KIAA1328: variants seen among roughly 807,000 people sequenced by gnomAD.
KIAA1328 encodes KIAA1328.
Under a neutral mutation model 68.1 loss-of-function variants are expected in KIAA1328, and 52 were observed. That is an observed-to-expected ratio of 0.76 (90% CI 0.61 to 0.96). KIAA1328 has a LOEUF of 0.96. Among genes scored for constraint, KIAA1328 ranks in the 40% least tolerant of loss-of-function variants. The probability of loss-of-function intolerance (pLI) is 0.00; values close to 1 mark genes in which losing one functional copy is unlikely to be tolerated. For missense variants in KIAA1328, 641 were observed against 677.6 expected, an observed-to-expected ratio of 0.95 and a Z score of 0.60; for synonymous variants, 232 against 239.4, an observed-to-expected ratio of 0.97 and a Z score of 0.28.
chr18:37,203,395 G>A (rs1599585529), intron 9 of KIAA1328, among the ~76,000 whole-genome samples: 1 of 151,540 alleles, frequency 6.6e-6, no homozygotes, highest in Non-Finnish European at 1.5e-5. Flanking sequence ...TCAACTTAAA[G>A]TAACCTTTAA....
Position 37,173,084 on chromosome 18 carries a change from A to G in KIAA1328, c.1523+3A>G, listed in dbSNP as rs1353268688. On this transcript the variant is annotated splice_donor_region_variant and intron_variant, in intron 9 of 9. Coordinates refer to ENST00000280020, the MANE Select transcript of KIAA1328 (RefSeq NM_020776.3). ...TCATTACAGCACACCACCTCCCGGT[A>G]AGCTTCAGAGATTCTTTAGTTTTTA... 1 of 1,601,366 alleles carries G rather than the reference A, an allele frequency of 6.2e-7. No homozygotes were observed. The highest frequency in any genetic ancestry group is 8.5e-7 in the Non-Finnish European group (1 of 1,170,508).
intron 4 of KIAA1328, among the ~76,000 whole-genome samples, chr18:36,850,368 T>TA (rs1175329680): frequency 6.6e-6 from 1 of 152,142 alleles, no homozygotes; most frequent in Non-Finnish European, 1.5e-5. Flanking sequence ...TAATAAGCTG[T>TA]AATAGTTTTA....
intron 7 of KIAA1328, among the ~76,000 whole-genome samples, chr18:37,155,739 G>A (rs1019346999): frequency 4.6e-5 from 7 of 152,074 alleles, no homozygotes; most frequent in Non-Finnish European, 7.4e-5. Flanking sequence ...CATGGAAAAC[G>A]CAACCTTTCA....
chr18:37,119,126 G>A (rs991445759), intron 7 of KIAA1328, among the ~76,000 whole-genome samples: 7 of 152,176 alleles, frequency 4.6e-5, no homozygotes, highest in Non-Finnish European at 1.0e-4. Context: ...AAAACACTCT[G>A]TAAGTCCATG....
intron 6 of KIAA1328, among the ~76,000 whole-genome samples, chr18:37,058,820 G>A (rs1258434855): frequency 1.3e-5 from 2 of 152,112 alleles, no homozygotes; most frequent in Middle Eastern, 3.2e-3. Context: ...CTCCCCTAAA[G>A]GTCAGAATAG....
At chr18:37,152,744 A>G (rs1244839878) in intron 7 of KIAA1328, among the ~76,000 whole-genome samples, 1 of 152,202 alleles carries the variant, frequency 6.6e-6, no homozygotes, top group Non-Finnish European at 1.5e-5. Flanking sequence ...TAATTATGGT[A>G]CAGGGCTAAA....
At chr18:37,004,426 C>G (rs1598947204) in intron 6 of KIAA1328, among the ~76,000 whole-genome samples, 1 of 151,962 alleles carries the variant, frequency 6.6e-6, no homozygotes, top group African/African-American at 2.4e-5. Context: ...TATAAACAAT[C>G]TCATCATAAA....
At chr18:36,964,753 A>G (rs2051844196) in intron 6 of KIAA1328, among the ~76,000 whole-genome samples, 1 of 152,136 alleles carries the variant, frequency 6.6e-6, no homozygotes, top group Non-Finnish European at 1.5e-5. Context: ...ATGTGTGTAT[A>G]TTACCCCATT....
At chr18:37,179,637 G>A (rs781151926) in intron 9 of KIAA1328, among the ~76,000 whole-genome samples, 13 of 152,130 alleles carry the variant, frequency 8.5e-5, no homozygotes, top group African/African-American at 1.2e-4. Flanking sequence ...AGGCTCAGAA[G>A]TATCTGAAAC....
At chr18:37,035,158 A>G (rs2054977322) in intron 6 of KIAA1328, among the ~76,000 whole-genome samples, 1 of 152,246 alleles carries the variant, frequency 6.6e-6, no homozygotes, top group South Asian at 2.1e-4. Context: ...ACCTCATTGT[A>G]TCAGGTGAGG....
intron 7 of KIAA1328, among the ~76,000 whole-genome samples, chr18:37,070,848 G>C (rs1040484602): frequency 6.6e-6 from 1 of 151,850 alleles, no homozygotes; most frequent in Admixed American, 6.6e-5. Context: ...TTTATCTAAA[G>C]TCTCCTTTAC....
chr18:36,892,462 A>T (rs1279935315), intron 5 of KIAA1328, among the ~76,000 whole-genome samples: 2 of 152,074 alleles, frequency 1.3e-5, no homozygotes, highest in African/African-American at 4.8e-5. Context: ...ACTTTGATGA[A>T]TCTTGGCCTT....
chr18:37,150,283 G>C (rs2058999582), intron 7 of KIAA1328, among the ~76,000 whole-genome samples: 1 of 152,098 alleles, frequency 6.6e-6, no homozygotes, highest in African/African-American at 2.4e-5. Context: ...TATTTGTTGT[G>C]AGAGGCTGTC....
At chr18:36,951,009 G>A (rs532523082) in intron 5 of KIAA1328, among the ~76,000 whole-genome samples, 1 of 152,318 alleles carries the variant, frequency 6.6e-6, no homozygotes, top group East Asian at 1.9e-4. Context: ...TTTAACTGGG[G>A]TGGCTGCTTT....
chr18:37,138,403 C>G lies in KIAA1328; in HGVS notation c.1233-21797C>G, dbSNP rs893763342. Among the ~76,000 whole-genome samples the G allele has an allele frequency of 5.1e-4, 77 of 152,158 alleles. 3 individuals carry two copies. On this transcript the variant is annotated intron_variant, in intron 7 of 9. Transcript: ENST00000280020. ...CCTTAGTGCTCCTCGGGGTGAGACT[C>G]TTCTCTTTCCTACACCACACATCTA...
intron 6 of KIAA1328, among the ~76,000 whole-genome samples, chr18:36,985,157 T>C (rs796460317): frequency 7.2e-5 from 11 of 151,780 alleles, no homozygotes; most frequent in African/African-American, 2.4e-4. Context: ...GTTTAAAAAA[T>C]TACTGAGACA....
chr18:37,226,643 A>C (rs1365437887), downstream of KIAA1328, among the ~76,000 whole-genome samples: 3 of 151,834 alleles, frequency 2.0e-5, no homozygotes. Flanking sequence ...ATTGCCAAAT[A>C]ATACTGTATC....
At chr18:37,210,926 A>T (rs377287507) in intron 9 of KIAA1328, among the ~76,000 whole-genome samples, 1 of 152,168 alleles carries the variant, frequency 6.6e-6, no homozygotes. Context: ...AATGAGGTAC[A>T]ACTGAAATCT....
intron 9 of KIAA1328, among the ~76,000 whole-genome samples, chr18:37,209,576 C>T (rs1009149888): frequency 2.0e-5 from 3 of 151,920 alleles, no homozygotes; most frequent in African/African-American, 7.3e-5. Context: ...AAGAAGGCCT[C>T]TTTGAGGAGG....
Sources: gnomAD v4.1 joint callset for allele counts (sites outside exome capture counted in the v4.1 genomes callset) on GRCh38, gnomAD v4.1.1 for gene constraint, MANE v1.5 for transcripts, NCBI Gene and HGNC (gene_info 2026-07-23, HGNC 2026-07-21) for gene names.